Variants in NLGN4X observed in about 807,000 individuals in gnomAD.
The protein encoded by NLGN4X is neuroligin-4, X-linked.
In NLGN4X, 3 loss-of-function variants were observed where a neutral mutation model predicts 40.3. The observed-to-expected ratio is 0.07, with a 90% confidence interval of 0.03 to 0.19. NLGN4X has a LOEUF of 0.19. Among genes scored for constraint, NLGN4X ranks in the 10% least tolerant of loss-of-function variants. The pLI, the probability that NLGN4X is intolerant of heterozygous loss-of-function variation, is 1.00. For missense variants in NLGN4X, 382 were observed against 708.3 expected (o/e 0.54, Z 5.23); for synonymous variants, 270 against 306.8 (o/e 0.88, Z 1.25).
intron 3 of NLGN4X, among the ~76,000 whole-genome samples, chrX:6,019,316 G>A (rs994560975): frequency 9.0e-6 from 1 of 111,635 alleles, no homozygotes; most frequent in African/African-American, 3.3e-5. Flanking sequence ...AATGTCAGGG[G>A]AAAAAAAGCT....
Position 5,995,964 on chromosome X carries a change from G to A in NLGN4X, c.625+33316C>T, listed in dbSNP as rs367810970. On this transcript the variant is annotated intron_variant, in intron 3 of 5. Coordinates refer to ENST00000381095, the MANE Select transcript of NLGN4X (RefSeq NM_181332.3). ...CATTCATCAGACTGTGAATAAATAT[G>A]AAACCTAGAGCCCTTTGTCTTACAA... is the stretch of plus-strand genomic sequence containing the variant. 9.6e-4 allele frequency among the ~76,000 whole-genome samples: 107 copies of A among 111,890 alleles called. No homozygotes were observed. The Middle Eastern group carries it at 0.028, about 29-fold the overall frequency.
intron 3 of NLGN4X, among the ~76,000 whole-genome samples, chrX:6,012,837 C>T (rs892431574): frequency 9.0e-6 from 1 of 111,251 alleles, no homozygotes; most frequent in African/African-American, 3.3e-5. Context: ...GAAAGGCAGC[C>T]CTGCCAACAC....
At chrX:6,007,089 T>C (rs988915391) in intron 3 of NLGN4X, among the ~76,000 whole-genome samples, 10 of 112,000 alleles carry the variant, frequency 8.9e-5, no homozygotes, top group African/African-American at 3.2e-4. Context: ...AATGTTTATA[T>C]ATACCATGGT....
intron 3 of NLGN4X, among the ~76,000 whole-genome samples, chrX:5,959,890 T>C (rs1306160208): frequency 9.0e-6 from 1 of 111,566 alleles, no homozygotes; most frequent in Admixed American, 9.6e-5. Flanking sequence ...ATGAGTAAGA[T>C]GCATTTGCGT....
chrX:5,928,974 C>T (rs1465383970), intron 3 of NLGN4X, among the ~76,000 whole-genome samples: 1 of 109,492 alleles, frequency 9.1e-6, no homozygotes, highest in Non-Finnish European at 1.9e-5. Context: ...CATGCACCAC[C>T]GTGCCCAGAG....
At chrX:6,053,972 TAG>T (rs1312436750) in intron 2 of NLGN4X, among the ~76,000 whole-genome samples, 1 of 111,859 alleles carries the variant, frequency 8.9e-6, no homozygotes, top group South Asian at 3.8e-4. Context: ...TGTCATCAAA[TAG>T]AGTTTCCAAA....
chrX:5,928,767 G>A (rs2033421876), intron 3 of NLGN4X, among the ~76,000 whole-genome samples: 1 of 111,528 alleles, frequency 9.0e-6, no homozygotes, highest in African/African-American at 3.3e-5. Context: ...ATAGAACTTG[G>A]TACATTGAAA....
intron 1 of NLGN4X, among the ~76,000 whole-genome samples, chrX:6,213,294 A>G (rs945270788): frequency 9.0e-6 from 1 of 111,656 alleles, no homozygotes; most frequent in Non-Finnish European, 1.9e-5. Context: ...GACATTCTCC[A>G]TGACATTAAT....
intron 3 of NLGN4X, among the ~76,000 whole-genome samples, chrX:5,999,202 T>C (rs1037869034): frequency 5.4e-5 from 6 of 111,794 alleles, no homozygotes; most frequent in Non-Finnish European, 9.4e-5. Context: ...AAATAACCAT[T>C]TTTTTCTTTC....
At chrX:6,182,524 T>C (rs1294955763) in intron 1 of NLGN4X, among the ~76,000 whole-genome samples, 2 of 111,846 alleles carry the variant, frequency 1.8e-5, no homozygotes, top group Non-Finnish European at 3.8e-5. Context: ...TAATGCACTG[T>C]CCCCAAAGCT....
chrX:6,124,876 T>A (rs1195016811), intron 2 of NLGN4X, among the ~76,000 whole-genome samples: 2 of 112,354 alleles, frequency 1.8e-5, no homozygotes, highest in Non-Finnish European at 3.8e-5. Flanking sequence ...CACCGAACGT[T>A]TACAAAATCT....
chrX:6,022,785 C>T (rs1365149127), intron 3 of NLGN4X, among the ~76,000 whole-genome samples: 2 of 111,761 alleles, frequency 1.8e-5, no homozygotes, highest in Non-Finnish European at 3.8e-5. Flanking sequence ...AGCCCACCCT[C>T]CCTCAATTTC....
intron 3 of NLGN4X, among the ~76,000 whole-genome samples, chrX:6,024,561 C>T (rs944016757): frequency 2.7e-5 from 3 of 110,576 alleles, no homozygotes; most frequent in Non-Finnish European, 5.7e-5. Context: ...AAAGACCTTG[C>T]TGATAAAAGG....
chrX:6,112,647 G>A (rs7889266), intron 2 of NLGN4X, among the ~76,000 whole-genome samples: 3,142 of 105,693 alleles, frequency 0.03, 146 homozygotes, highest in African/African-American at 0.1. Flanking sequence ...GCAATGGCGC[G>A]ATCTCGGCTC....
chrX:6,194,253 G>T (rs1922847919), intron 1 of NLGN4X, among the ~76,000 whole-genome samples: 2 of 111,963 alleles, frequency 1.8e-5, no homozygotes, highest in Middle Eastern at 9.3e-3. Flanking sequence ...GGTATAAACC[G>T]CAATTATGTT....
At chrX:6,141,745 G>A (rs1036215192) in intron 2 of NLGN4X, among the ~76,000 whole-genome samples, 1 of 111,228 alleles carries the variant, frequency 9.0e-6, no homozygotes, top group African/African-American at 3.3e-5. Context: ...CTTGAACCTG[G>A]GAGGTGGAGG....
chrX:6,225,866 G>GCAA (rs749425825), intron 1 of NLGN4X, among the ~76,000 whole-genome samples: 7 of 91,814 alleles, frequency 7.6e-5, no homozygotes, highest in South Asian at 1.1e-3. Context: ...TAAGATAAGA[G>GCAA]CAACAACAAC....
At chrX:5,909,387 A>C in intron 3 of NLGN4X, 148 bp from the exon 4 acceptor site, 1 of 637,430 alleles carries the variant, frequency 1.6e-6, no homozygotes, top group Non-Finnish European at 2.4e-6. Flanking sequence ...GAACAGGAGA[A>C]AAAATTTTGT....
chrX:6,155,447 T>G (rs992510536), intron 1 of NLGN4X, among the ~76,000 whole-genome samples: 1 of 112,205 alleles, frequency 8.9e-6, no homozygotes, highest in Admixed American at 9.4e-5. Flanking sequence ...TTCCTTTTCT[T>G]TTGTGTCTAG....
Sources: allele counts gnomAD v4.1 joint callset (sites outside exome capture counted in the v4.1 genomes callset), GRCh38; gene constraint gnomAD v4.1.1; transcripts MANE v1.5; gene names NCBI Gene and HGNC (gene_info 2026-07-23, HGNC 2026-07-21).